OR2F2: variants seen among roughly 807,000 people sequenced by gnomAD.
The protein encoded by OR2F2 is olfactory receptor 2F2.
For missense variants in OR2F2, 375 were observed against 380.2 expected, an observed-to-expected ratio of 0.99 and a Z score of 0.11; for synonymous variants, 161 against 159.0, an observed-to-expected ratio of 1.01 and a Z score of -0.09.
Position 143,935,900 on chromosome 7 carries a change from C to T in OR2F2, c.668C>T (p.Ser223Phe). The T allele has an allele frequency of 1.2e-6, 2 of 1,614,144 alleles. No individual in the cohort carries two copies. The highest frequency in any genetic ancestry group is 2.2e-5 in the South Asian group (2 of 91,080). ...CTGTTGTCCTACATCCGGATCATCT[C>T]CACCATCCTAAAGATCCAGTCCAGA... ...LVLLSYIRII[S>F]TILKIQSREG... The change falls in exon 1 of 1, where the codon TCC becomes TTC. Residue 223 changes from serine (S) to phenylalanine (F), a missense_variant. Transcript: ENST00000408955.
In OR2F2 at chr7:143,935,699, C is replaced by T. The variant is rs752154956; in HGVS notation, c.467C>T (p.Ser156Phe). 2.5e-6 allele frequency: 4 copies of T among 1,614,252 alleles called. No individual in the cohort carries two copies. The highest frequency in any genetic ancestry group is 1.1e-5 in the South Asian group (1 of 91,084). Reference protein sequence around the residue: ...ITSWVSGSINSLVQTAITFQL... With the variant: ...ITSWVSGSINFLVQTAITFQL... ...TCCTGGGTCAGTGGCTCCATCAACTCTCTTGTGCAGACTGCTATCACCTTT... is the reference window on the plus strand; with the variant it reads ...TCCTGGGTCAGTGGCTCCATCAACTTTCTTGTGCAGACTGCTATCACCTTT... The change falls in exon 1 of 1, where the codon TCT becomes TTT. Residue 156 changes from serine to phenylalanine, a missense_variant. Physicochemically the swap from Ser to Phe is radical, Grantham distance 155. Coordinates refer to ENST00000408955, the MANE Select transcript of OR2F2 (RefSeq NM_001004685.1).
rs1266605988 is a variant in OR2F2, at chr7:143,936,099, T to C, written c.867T>C (p.Ile289=). ...TTATGCCTCTGCTGAACCCTGTGAT[T>C]TATAGTCTAAGGAATAAAGAGGTGA... ...AIVMPLLNPV[I]YSLRNKEVKG... Residue 289 remains isoleucine (I), a synonymous_variant, in exon 1 of 1, where the codon ATT becomes ATC. Coordinates refer to ENST00000408955, the MANE Select transcript of OR2F2 (RefSeq NM_001004685.1). The C allele has an allele frequency of 6.2e-7, 1 of 1,613,972 alleles. No individual in the cohort carries two copies. Among genetic ancestry groups the C allele is most frequent in the Non-Finnish European group, 8.5e-7 (1 of 1,180,012 alleles).
At position 143,935,757 on chromosome 7, in the gene OR2F2, T is replaced by C. The variant is rs764539026; in HGVS notation, c.525T>C (p.Asp175=). 14 of 1,614,108 alleles carry C rather than the reference T, an allele frequency of 8.7e-6. No individual in the cohort carries two copies. The highest frequency in any genetic ancestry group is 1.3e-5 in the African/African-American group (1 of 74,942). The change falls in exon 1 of 1, where the codon GAT becomes GAC. Residue 175 remains aspartate (D), a synonymous_variant. Transcript: ENST00000408955. ...CCATGTGCACTAACAAGTTTATTGA[T>C]CACATATCCTGTGAACTCCTAGCTG... The part of the protein sequence containing the change: ...QLPMCTNKFI[D]HISCELLAVV...
At position 143,935,675 on chromosome 7, in the gene OR2F2, C is replaced by T; in HGVS notation, c.443C>T (p.Ser148Phe). The change falls in exon 1 of 1, where the codon TCC becomes TTC. Residue 148 changes from serine to phenylalanine, a missense_variant. Transcript: ENST00000408955. ...GGLCARLAIT[S>F]WVSGSINSLV... ...CTGTGTGCTAGGTTGGCCATCACAT[C>T]CTGGGTCAGTGGCTCCATCAACTCT... The T allele has an allele frequency of 6.2e-7, 1 of 1,614,230 alleles. No homozygotes were observed. Among genetic ancestry groups the T allele is most frequent in the Non-Finnish European group, 8.5e-7 (1 of 1,180,034 alleles).
Position 143,935,887 on chromosome 7 carries a change from A to G in OR2F2, c.655A>G (p.Ile219Val). 4.3e-6 allele frequency: 7 copies of G among 1,613,980 alleles called. No homozygotes were observed. Among genetic ancestry groups the G allele is most frequent in the Non-Finnish European group, 5.1e-6 (6 of 1,180,014 alleles). The change falls in exon 1 of 1, where the codon ATC becomes GTC. Residue 219 changes from isoleucine to valine, a missense_variant. By Grantham distance (29) the Ile-to-Val change is conservative. Transcript: ENST00000408955. ...TPFCLVLLSY[I>V]RIISTILKIQ... ...TTTCTGCCTGGTTCTGTTGTCCTAC[A>G]TCCGGATCATCTCCACCATCCTAAA...
At position 143,935,241 on chromosome 7, in the gene OR2F2, A is replaced by G; in HGVS notation, c.9A>G (p.Ile3Met). ME[I>M]DNQTWVREFI... ...ATTCCTCACATTTTTAAATGGAAAT[A>G]GATAACCAGACGTGGGTGAGAGAAT... The change falls in exon 1 of 1, where the codon ATA (isoleucine) becomes ATG (methionine). Residue 3 changes from isoleucine (I) to methionine (M), a missense_variant. By Grantham distance (10) the Ile-to-Met change is conservative. Coordinates refer to ENST00000408955, the MANE Select transcript of OR2F2 (RefSeq NM_001004685.1). 6.2e-7 allele frequency: 1 copy of G among 1,606,628 alleles called. No homozygotes were observed. The highest frequency in any genetic ancestry group is 8.5e-7 in the Non-Finnish European group (1 of 1,175,034).
In OR2F2 at chr7:143,935,975, T is replaced by C; in HGVS notation, c.743T>C (p.Val248Ala). ...ACGTGTGCCTCTCACCTCACGGTGG[T>C]TGCCCTGTGCTACGGCACAACGATT... ...FHTCASHLTV[V>A]ALCYGTTIFT... The change falls in exon 1 of 1, where the codon GTT (valine) becomes GCT (alanine). Residue 248 changes from valine to alanine, a missense_variant. By Grantham distance (64) the Val-to-Ala change is moderately conservative (BLOSUM62 0). Transcript: ENST00000408955. 6.2e-7 allele frequency: 1 copy of C among 1,613,946 alleles called. No homozygotes were observed. Among genetic ancestry groups the C allele is most frequent in the Non-Finnish European group, 8.5e-7 (1 of 1,180,014 alleles).
chr7:143,935,657 C>A lies in OR2F2; in HGVS notation c.425C>A (p.Ala142Asp), dbSNP rs1814818597. 1 of 1,614,120 alleles carries A rather than the reference C, an allele frequency of 6.2e-7. No individual in the cohort carries two copies. The highest frequency in any genetic ancestry group is 1.3e-5 in the African/African-American group (1 of 74,936). Residue 142 changes from alanine to aspartate, a missense_variant, in exon 1 of 1, where the codon GCT becomes GAT. By Grantham distance (126) the Ala-to-Asp change is moderately radical. Transcript: ENST00000408955. ...YSAIMHGGLC[A>D]RLAITSWVSG... ...GCCATCATGCATGGAGGGCTGTGTG[C>A]TAGGTTGGCCATCACATCCTGGGTC...
chr7:143,935,256 G>A lies in OR2F2; in HGVS notation c.24G>A (p.Trp8Ter), dbSNP rs1814804698. The change falls in exon 1 of 1, where the codon TGG becomes TGA. Residue 8 changes from tryptophan to a stop codon, truncating the protein, a stop_gained. Coordinates refer to ENST00000408955, the MANE Select transcript of OR2F2 (RefSeq NM_001004685.1). LOFTEE classifies it low-confidence loss of function (END_TRUNC). Reference sequence around the variant, plus strand: ...AAATGGAAATAGATAACCAGACGTGGGTGAGAGAATTTATTCTCCTTGGCT... The same window carrying A: ...AAATGGAAATAGATAACCAGACGTGAGTGAGAGAATTTATTCTCCTTGGCT... MEIDNQTWVREFILLGLS... is the reference protein window; with the variant it reads MEIDNQT 2 of 1,612,642 alleles carry A rather than the reference G, an allele frequency of 1.2e-6. No homozygotes were observed. Among genetic ancestry groups the A allele is most frequent in the South Asian group, 1.1e-5 (1 of 90,976 alleles).
rs1278135282 is a variant in OR2F2 at position 143,935,581 on chromosome 7, G to A, written c.349G>A (p.Val117Met). The A allele has an allele frequency of 6.2e-7, 1 of 1,614,088 alleles. No individual in the cohort carries two copies. Among genetic ancestry groups the A allele is most frequent in the African/African-American group, 1.3e-5 (1 of 74,930 alleles). Reference protein sequence around the residue: ...LGGIEFVLLAVMAYDRHVAVS... With the variant: ...LGGIEFVLLAMMAYDRHVAVS... ...TGGGATTGAGTTTGTTCTCCTGGCA[G>A]TGATGGCCTATGACCGCCATGTGGC... Residue 117 changes from valine (V) to methionine (M), a missense_variant, in exon 1 of 1, where the codon GTG (valine) becomes ATG (methionine). Physicochemically the swap from Val to Met is conservative, Grantham distance 21 (BLOSUM62 1). Transcript: ENST00000408955.
chr7:143,935,989 G>C lies in OR2F2; in HGVS notation c.757G>C (p.Gly253Arg). 6.2e-7 allele frequency: 1 copy of C among 1,613,154 alleles called. No homozygotes were observed. The highest frequency in any genetic ancestry group is 8.5e-7 in the Non-Finnish European group (1 of 1,179,822). Reference protein sequence around the residue: ...SHLTVVALCYGTTIFTYIQPH... With the variant: ...SHLTVVALCYRTTIFTYIQPH... ...CCTCACGGTGGTTGCCCTGTGCTAC[G>C]GCACAACGATTTTCACTTACATCCA... The change falls in exon 1 of 1, where the codon GGC becomes CGC. Residue 253 changes from glycine (G) to arginine (R), a missense_variant. By Grantham distance (125) the Gly-to-Arg change is moderately radical. Transcript: ENST00000408955.
Position 143,936,120 on chromosome 7 carries a change from G to C in OR2F2, c.888G>C (p.Glu296Asp), listed in dbSNP as rs1411142469. Residue 296 changes from glutamate to aspartate, a missense_variant, in exon 1 of 1, where the codon GAG (glutamate) becomes GAC (aspartate). Transcript: ENST00000408955. Reference sequence around the variant, plus strand: ...TGATTTATAGTCTAAGGAATAAAGAGGTGAAGGGGGCCTGGCATAAACTAT... The same window carrying C: ...TGATTTATAGTCTAAGGAATAAAGACGTGAAGGGGGCCTGGCATAAACTAT... Reference protein sequence around the residue: ...NPVIYSLRNKEVKGAWHKLLE... With the variant: ...NPVIYSLRNKDVKGAWHKLLE... 6.2e-7 allele frequency: 1 copy of C among 1,613,776 alleles called. No homozygotes were observed. Among genetic ancestry groups the C allele is most frequent in the South Asian group, 1.1e-5 (1 of 91,030 alleles).
chr7:143,935,732 C>T lies in OR2F2; in HGVS notation c.500C>T (p.Pro167Leu), dbSNP rs1343096233. ...CAGACTGCTATCACCTTTCAGCTGC[C>T]CATGTGCACTAACAAGTTTATTGAT... ...LVQTAITFQL[P>L]MCTNKFIDHI... The change falls in exon 1 of 1, where the codon CCC becomes CTC. Residue 167 changes from proline (P) to leucine (L), a missense_variant. Pro to Leu is a moderately conservative substitution (Grantham distance 98). Transcript: ENST00000408955. The T allele has an allele frequency of 1.2e-6, 2 of 1,614,084 alleles. No homozygotes were observed. The highest frequency in any genetic ancestry group is 2.2e-5 in the South Asian group (2 of 91,086).
chr7:143,936,185 G>A lies in OR2F2; in HGVS notation c.953G>A (p.Ter318=). The change falls in exon 1 of 1, where the codon TGA becomes TAA. Residue 318 remains the stop codon, a stop_retained_variant. Transcript: ENST00000408955. ...GGGTTAACATCCAAGCTGGGAACTT[G>A]ACTCATGAACATTACTTTAAGAAGA... ...FSGLTSKLGT[*] 6.3e-7 allele frequency: 1 copy of A among 1,590,952 alleles called. No individual in the cohort carries two copies.
rs1404074396 is a variant in OR2F2, at chr7:143,936,179, G to C, written c.947G>C (p.Gly316Ala). Reference sequence around the variant, plus strand: ...TTCTCTGGGTTAACATCCAAGCTGGGAACTTGACTCATGAACATTACTTTA... The same window carrying C: ...TTCTCTGGGTTAACATCCAAGCTGGCAACTTGACTCATGAACATTACTTTA... Reference protein sequence around the residue: ...EKFSGLTSKLGT With the variant: ...EKFSGLTSKLAT The change falls in exon 1 of 1, where the codon GGA becomes GCA. Residue 316 changes from glycine (G) to alanine (A), a missense_variant. Transcript: ENST00000408955. The C allele has an allele frequency of 6.3e-7, 1 of 1,594,586 alleles. No individual in the cohort carries two copies. Among genetic ancestry groups the C allele is most frequent in the Non-Finnish European group, 8.5e-7 (1 of 1,170,848 alleles).
rs745453975 is a variant in OR2F2, at chr7:143,935,713, G to T, written c.481G>T (p.Ala161Ser). Residue 161 changes from alanine (A) to serine (S), a missense_variant, in exon 1 of 1, where the codon GCT (alanine) becomes TCT (serine). Physicochemically the swap from Ala to Ser is moderately conservative, Grantham distance 99 (BLOSUM62 1). Transcript: ENST00000408955. ...SGSINSLVQT[A>S]ITFQLPMCTN... ...CTCCATCAACTCTCTTGTGCAGACT[G>T]CTATCACCTTTCAGCTGCCCATGTG... 3.1e-6 allele frequency: 5 copies of T among 1,614,212 alleles called. No homozygotes were observed. The South Asian group carries it at 5.5e-5, about 18-fold the overall frequency.
rs761857627 is a variant in OR2F2 at position 143,935,510 on chromosome 7, C to T, written c.278C>T (p.Pro93Leu). 11 of 1,614,106 alleles carry T rather than the reference C, an allele frequency of 6.8e-6. 1 individual carries two copies. The South Asian group carries it at 1.2e-4, about 18-fold the overall frequency. The change falls in exon 1 of 1, where the codon CCA (proline) becomes CTA (leucine). Residue 93 changes from proline (P) to leucine (L), a missense_variant. Physicochemically the swap from Pro to Leu is moderately conservative, Grantham distance 98. Transcript: ENST00000408955. Reference protein sequence around the residue: ...AHFLAEHKAIPFQSCAAQLFF... With the variant: ...AHFLAEHKAILFQSCAAQLFF... ...TTTCTTGCAGAACATAAAGCCATCC[C>T]ATTCCAGAGCTGTGCAGCCCAGTTA... is the stretch of plus-strand genomic sequence containing the variant.
Position 143,935,249 on chromosome 7 carries a change from A to C in OR2F2, c.17A>C (p.Gln6Pro). The C allele has an allele frequency of 1.2e-6, 2 of 1,610,868 alleles. No homozygotes were observed. Among genetic ancestry groups the C allele is most frequent in the Non-Finnish European group, 1.7e-6 (2 of 1,177,708 alleles). MEIDN[Q>P]TWVREFILLG... Reference sequence around the variant, plus strand: ...CATTTTTAAATGGAAATAGATAACCAGACGTGGGTGAGAGAATTTATTCTC... The same window carrying C: ...CATTTTTAAATGGAAATAGATAACCCGACGTGGGTGAGAGAATTTATTCTC... Residue 6 changes from glutamine to proline, a missense_variant, in exon 1 of 1, where the codon CAG becomes CCG. Physicochemically the swap from Gln to Pro is moderately conservative, Grantham distance 76. Coordinates refer to ENST00000408955, the MANE Select transcript of OR2F2 (RefSeq NM_001004685.1).
At position 143,935,289 on chromosome 7, in the gene OR2F2, T is replaced by A. The variant is rs1441810771; in HGVS notation, c.57T>A (p.Ser19Arg). 15 of 1,614,062 alleles carry A rather than the reference T, an allele frequency of 9.3e-6. No individual in the cohort carries two copies. Among genetic ancestry groups the A allele is most frequent in the Non-Finnish European group, 1.3e-5 (15 of 1,180,012 alleles). Residue 19 changes from serine to arginine, a missense_variant, in exon 1 of 1, where the codon AGT becomes AGA. By Grantham distance (110) the Ser-to-Arg change is moderately radical (BLOSUM62 -1). Coordinates refer to ENST00000408955, the MANE Select transcript of OR2F2 (RefSeq NM_001004685.1). The stretch of plus-strand genomic sequence containing the variant: ...AATTTATTCTCCTTGGCTTATCCAG[T>A]GACTGGTGCACTCAGATATCCCTGT... ...VREFILLGLS[S>R]DWCTQISLFS...
Sources: allele counts gnomAD v4.1 joint callset, GRCh38; gene constraint gnomAD v4.1.1; transcripts MANE v1.5; gene names NCBI Gene and HGNC (gene_info 2026-07-23, HGNC 2026-07-21).